The following KIF5C variants were observed in gnomAD, a reference collection of about 807,000 sequenced individuals.
KIF5C encodes the protein kinesin family member 5C.
Under a neutral mutation model 125.2 loss-of-function variants are expected in KIF5C, and 18 were observed. That is an observed-to-expected ratio of 0.14 (90% CI 0.10 to 0.21). The LOEUF is 0.21. Among genes scored for constraint, KIF5C ranks in the 10% least tolerant of loss-of-function variants. The pLI, the probability that KIF5C is intolerant of heterozygous loss-of-function variation, is 1.00. For synonymous variants in KIF5C, 405 were observed against 434.0 expected (o/e 0.93, Z 0.83); for missense variants, 780 against 1,183.8 (o/e 0.66, Z 5.01).
In KIF5C at chr2:149,023,162, A is replaced by G. The variant is rs1553473353; in HGVS notation, c.*92A>G. 1 of 149,788 alleles carries G rather than the reference A, an allele frequency of 6.7e-6. No homozygotes were observed. Among genetic ancestry groups the G allele is most frequent in the Non-Finnish European group, 1.5e-5 (1 of 67,484 alleles). 9.3% of individuals were successfully genotyped at this position (149,788 alleles called of 1,614,324 possible). On this transcript the variant is annotated 3_prime_UTR_variant, in exon 26 of 26. Transcript: ENST00000435030. ...CCCCTACAGTTTCCATTTTTTTTTT[A>G]TACTTGCTTACTCCAGCCATCTGCA...
rs1039850627 is a variant in KIF5C at position 148,885,156 on chromosome 2, T to G, written c.126+9413T>G. On this transcript the variant is annotated intron_variant, in intron 1 of 25. Transcript: ENST00000435030. ...GCGTGCCATCATGCTTGACTAATTT[T>G]TTGTATTTTAGTAGAGACGGGGTTT... Among the ~76,000 whole-genome samples, 7 of 152,236 alleles carry G rather than the reference T, an allele frequency of 4.6e-5. No individual in the cohort carries two copies. In the East Asian group the frequency reaches 1.2e-3, roughly 25 times the overall value.
chr2:148,881,084 C>G (rs963993010), intron 1 of KIF5C, among the ~76,000 whole-genome samples: 2 of 151,360 alleles, frequency 1.3e-5, no homozygotes, highest in African/African-American at 4.9e-5. Flanking sequence ...GAGAGAGTGT[C>G]TGGCACAGAG....
chr2:148,880,927 T>C (rs1681330447), intron 1 of KIF5C, among the ~76,000 whole-genome samples: 1 of 149,610 alleles, frequency 6.7e-6, no homozygotes, highest in Non-Finnish European at 1.5e-5. Context: ...AAACCGAGTG[T>C]AGATTCACTA....
chr2:148,907,467 G>C (rs990096281), intron 1 of KIF5C, among the ~76,000 whole-genome samples: 3 of 152,272 alleles, frequency 2.0e-5, no homozygotes, highest in Non-Finnish European at 4.4e-5. Flanking sequence ...ATTAACCCAG[G>C]AGGCTGAAGT....
intron 1 of KIF5C, among the ~76,000 whole-genome samples, chr2:148,887,476 A>G (rs765870468): frequency 2.0e-5 from 3 of 152,224 alleles, no homozygotes; most frequent in Admixed American, 6.5e-5. Flanking sequence ...GATCCCCGCT[A>G]TCAATAACCT....
chr2:149,017,208 C>T (rs1322236446), intron 25 of KIF5C, among the ~76,000 whole-genome samples: 2 of 152,148 alleles, frequency 1.3e-5, no homozygotes, highest in African/African-American at 4.8e-5. Flanking sequence ...GGAGATATTA[C>T]AGCATAGTTG....
intron 20 of KIF5C, 72 bp from the exon 21 acceptor site, chr2:149,000,648 CTG>C: frequency 6.3e-7 from 1 of 1,593,150 alleles, no homozygotes; most frequent in Non-Finnish European, 8.6e-7. Context: ...GTTGATTTAT[CTG>C]TGGATGCAAA....
rs771339903 is a variant in KIF5C at position 148,978,803 on chromosome 2, A to C, written c.1294-119A>C. The C allele has an allele frequency of 1.3e-5, 17 of 1,332,638 alleles. No homozygotes were observed. The Admixed American group carries it at 4.6e-4, about 36-fold the overall frequency. 82.6% of individuals were successfully genotyped at this position (1,332,638 alleles called of 1,614,324 possible). ...GAATCTGTCTGTTTTCTGTGCAGTA[A>C]CACCACACTATTCCTTCCTTCTTAT... On this transcript the variant is annotated intron_variant, in intron 12 of 25. Coordinates refer to ENST00000435030, the MANE Select transcript of KIF5C (RefSeq NM_004522.3).
intron 25 of KIF5C, among the ~76,000 whole-genome samples, chr2:149,014,560 C>T (rs963682889): frequency 1.3e-5 from 2 of 152,206 alleles, no homozygotes; most frequent in African/African-American, 4.8e-5. Context: ...AGGTCTTCCA[C>T]TTCCTTCAAG....
intron 1 of KIF5C, among the ~76,000 whole-genome samples, chr2:148,891,000 A>G (rs529690532): frequency 2.0e-5 from 3 of 152,366 alleles, no homozygotes; most frequent in Non-Finnish European, 4.4e-5. Flanking sequence ...TGAAGTATGC[A>G]TAAATTAAGC....
chr2:148,899,702 C>CAAAAAA (rs771196518), intron 1 of KIF5C, among the ~76,000 whole-genome samples: 18 of 45,974 alleles, frequency 3.9e-4, no homozygotes, highest in East Asian at 1.2e-3. Context: ...AACTCCATCT[C>CAAAAAA]AAAAAAAAAA....
chr2:148,990,647 T>A (rs1046329939), intron 15 of KIF5C, among the ~76,000 whole-genome samples: 1 of 152,242 alleles, frequency 6.6e-6, no homozygotes, highest in Non-Finnish European at 1.5e-5. Context: ...GAGCATTGGG[T>A]GTCGCTGCTG....
chr2:148,996,213 T>C (rs1311155614), intron 17 of KIF5C, among the ~76,000 whole-genome samples: 1 of 152,192 alleles, frequency 6.6e-6, no homozygotes, highest in Non-Finnish European at 1.5e-5. Flanking sequence ...ATAAAAGTGG[T>C]TGTGATAGGG....
chr2:148,959,787 A>G (rs945734759), intron 10 of KIF5C, among the ~76,000 whole-genome samples: 6 of 152,210 alleles, frequency 3.9e-5, no homozygotes, highest in African/African-American at 9.7e-5. Flanking sequence ...GAAGGAACAC[A>G]GGCAGGCGAT....
At chr2:148,954,329 C>T (rs1682741367) in intron 10 of KIF5C, among the ~76,000 whole-genome samples, 1 of 152,198 alleles carries the variant, frequency 6.6e-6, no homozygotes, top group Non-Finnish European at 1.5e-5. Flanking sequence ...AGTCAAAAAG[C>T]CAGACTCAAA....
intron 12 of KIF5C, 140 bp from the exon 13 acceptor site, chr2:148,978,782 C>T: frequency 8.5e-7 from 1 of 1,170,402 alleles, no homozygotes; most frequent in Non-Finnish European, 1.1e-6. Flanking sequence ...ATCTCGGAAT[C>T]TGTCTGTTTT....
rs567424008 is a variant in KIF5C, at chr2:149,026,107, C to T, written c.*3037C>T. 2 of 152,634 alleles carry T rather than the reference C, an allele frequency of 1.3e-5. No individual in the cohort carries two copies. Among genetic ancestry groups the T allele is most frequent in the Admixed American group, 6.5e-5 (1 of 15,290 alleles). 9.5% of individuals were successfully genotyped at this position (152,634 alleles called of 1,614,324 possible). A position where few individuals can be genotyped will look rare whatever the true frequency, so the allele number is the denominator to read the frequency against. On this transcript the variant is annotated 3_prime_UTR_variant, in exon 26 of 26. Coordinates refer to ENST00000435030, the MANE Select transcript of KIF5C (RefSeq NM_004522.3). ...AAAAGTTCTTAACAATCCCCTCTTT[C>T]GAAGTGCATTTTTTTAAAGCAGGGC...
intron 17 of KIF5C, among the ~76,000 whole-genome samples, 169 bp downstream of exon 17, chr2:148,994,707 CTT>C (rs766023949): frequency 2.1e-5 from 3 of 143,934 alleles, no homozygotes; most frequent in Admixed American, 7.0e-5. Context: ...TTCTTTCTTT[CTT>C]TTTTTTTTTT....
intron 18 of KIF5C, 55 bp downstream of exon 18, chr2:148,997,395 T>C (rs774757489): frequency 6.2e-7 from 1 of 1,611,262 alleles, no homozygotes; most frequent in East Asian, 2.2e-5. Context: ...GCATTTGGAT[T>C]GGAAATGCTT....
Sources: gnomAD v4.1 joint callset for allele counts (sites outside exome capture counted in the v4.1 genomes callset) on GRCh38, gnomAD v4.1.1 for gene constraint, MANE v1.5 for transcripts, NCBI Gene and HGNC (gene_info 2026-07-23, HGNC 2026-07-21) for gene names.